IL7R: variants seen among roughly 807,000 people sequenced by gnomAD.
The protein encoded by IL7R is interleukin 7 receptor.
IL7R carries 38 observed loss-of-function variants against 47.0 expected under a neutral mutation model. The ratio of observed to expected loss-of-function variants is 0.81; its 90% CI spans 0.62 to 1.06. The LOEUF is 1.06. IL7R is among the 50% of genes least tolerant of loss of function. The pLI is 0.00. For missense variants in IL7R, 633 were observed against 534.8 expected (o/e 1.18, Z -1.81); for synonymous variants, 221 against 199.8 (o/e 1.11, Z -0.89).
chr5:35,875,663 A>G, intron 7 of IL7R, 76 bp downstream of exon 7: 1 of 1,122,676 alleles, frequency 8.9e-7, no homozygotes, highest in Non-Finnish European at 1.4e-6. Context: ...CAGGACAAGG[A>G]ACAGTTGAAC....
chr5:35,862,761 A>G (rs1362101319), intron 2 of IL7R, among the ~76,000 whole-genome samples: 2 of 152,114 alleles, frequency 1.3e-5, no homozygotes, highest in East Asian at 3.9e-4. Context: ...GAAACTTGCT[A>G]CAGGTTGGGG....
chr5:35,874,564 AG>A (rs780497377), intron 6 of IL7R, 22 bp downstream of exon 6: 1 of 1,504,650 alleles, frequency 6.6e-7, no homozygotes, highest in African/African-American at 1.4e-5. Context: ...CAACTAATAA[AG>A]AGGGTGATTG....
Position 35,876,302 on chromosome 5 carries a change from A to G in IL7R, c.1196A>G (p.His399Arg), listed in dbSNP as rs1440731354. Residue 399 changes from histidine to arginine, a missense_variant, in exon 8 of 8, where the codon CAT becomes CGT. Physicochemically the swap from His to Arg is conservative, Grantham distance 29. Coordinates refer to ENST00000303115, the MANE Select transcript of IL7R (RefSeq NM_002185.5). The stretch of plus-strand genomic sequence containing the variant: ...AGGGAGAGTGGCAAGAATGGGCCTC[A>G]TGTGTACCAGGACCTCCTGCTTAGC... ...DCRESGKNGP[H>R]VYQDLLLSLG... 1.9e-6 allele frequency: 3 copies of G among 1,613,782 alleles called. No individual in the cohort carries two copies. Among genetic ancestry groups the G allele is most frequent in the African/African-American group, 1.3e-5 (1 of 74,896 alleles).
intron 1 of IL7R, among the ~76,000 whole-genome samples, chr5:35,859,442 C>T (rs1328038811): frequency 6.6e-6 from 1 of 152,134 alleles, no homozygotes; most frequent in Non-Finnish European, 1.5e-5. Context: ...TGGGCTGTCT[C>T]TCATTATTTC....
chr5:35,874,636 G>T (rs951312647), intron 6 of IL7R, 94 bp downstream of exon 6: 1 of 958,034 alleles, frequency 1.0e-6, no homozygotes, highest in African/African-American at 1.6e-5. Context: ...CCACAAAGGG[G>T]ATTAAGGCAT....
chr5:35,871,676 C>G (rs1404491228), intron 4 of IL7R, among the ~76,000 whole-genome samples: 5 of 152,102 alleles, frequency 3.3e-5, no homozygotes, highest in African/African-American at 1.2e-4. Context: ...TATTTTAAAG[C>G]CCAAGGTCTT....
intron 7 of IL7R, 195 bp downstream of exon 7, chr5:35,875,782 G>A: frequency 1.3e-6 from 1 of 757,456 alleles, no homozygotes; most frequent in Non-Finnish European, 2.3e-6. Flanking sequence ...GGGCTCCCTG[G>A]GGCTGGAGGG....
chr5:35,863,581 G>A (rs770874945), intron 2 of IL7R, among the ~76,000 whole-genome samples: 32 of 152,170 alleles, frequency 2.1e-4, no homozygotes, highest in Non-Finnish European at 5.9e-5. Context: ...AAATTACATC[G>A]GTTAATGGAA....
Position 35,866,695 on chromosome 5 carries a change from A to C in IL7R, c.222-611A>C, listed in dbSNP as rs567663577. On this transcript the variant is annotated intron_variant, in intron 2 of 7. Coordinates refer to ENST00000303115, the MANE Select transcript of IL7R (RefSeq NM_002185.5). ...ATTATATACATTAAAATAGCATTTA[A>C]AATTTCCTTATTATACTTTTAACAT... is the stretch of plus-strand genomic sequence containing the variant. Among the ~76,000 whole-genome samples, 26 of 152,226 alleles carry C rather than the reference A, an allele frequency of 1.7e-4. No individual in the cohort carries two copies. In the South Asian group the frequency reaches 5.0e-3, roughly 29 times the overall value.
At chr5:35,875,692 A>T in intron 7 of IL7R, 105 bp downstream of exon 7, 2 of 929,456 alleles carry the variant, frequency 2.2e-6, no homozygotes, top group Admixed American at 1.8e-5. Context: ...TTGGTATTTG[A>T]TTCATCCTGT....
At chr5:35,871,484 T>C (rs1760074567) in intron 4 of IL7R, among the ~76,000 whole-genome samples, 1 of 152,188 alleles carries the variant, frequency 6.6e-6, no homozygotes, top group Admixed American at 6.5e-5. Context: ...TGAGGCCAAA[T>C]TAATCCTCTG....
chr5:35,862,770 G>A (rs1759850940), intron 2 of IL7R, among the ~76,000 whole-genome samples: 1 of 151,882 alleles, frequency 6.6e-6, no homozygotes, highest in Non-Finnish European at 1.5e-5. Context: ...TACAGGTTGG[G>A]GCCTGTAATT....
chr5:35,870,953 C>T, intron 3 of IL7R, 103 bp from the exon 4 acceptor site: 3 of 1,025,404 alleles, frequency 2.9e-6, no homozygotes, highest in Non-Finnish European at 4.6e-6. Context: ...CATTTACTGA[C>T]ACAAAAAGGG....
Position 35,879,053 on chromosome 5 carries a change from TG to T in IL7R, c.*2568del, listed in dbSNP as rs1760287747. ...GTAATGTAAGATTACTAATTGGTTC[TG>T]CCCAATCTCCTTTCAGATTTTATTA... On this transcript the variant is annotated 3_prime_UTR_variant, in exon 8 of 8. Transcript: ENST00000303115. 1 of 232,802 alleles carries T rather than the reference TG, an allele frequency of 4.3e-6. No homozygotes were observed. The highest frequency in any genetic ancestry group is 8.5e-6 in the Non-Finnish European group (1 of 117,854). 14.4% of individuals were successfully genotyped at this position (232,802 alleles called of 1,614,324 possible). A position where few individuals can be genotyped will look rare whatever the true frequency, so the allele number is the denominator to read the frequency against.
rs183660202 is a variant in IL7R, at chr5:35,878,978, A to T, written c.*2492A>T. 327 of 232,952 alleles carry T rather than the reference A, an allele frequency of 1.4e-3. 17 individuals are homozygous for T. In the Admixed American group the frequency reaches 0.018, roughly 13 times the overall value. 14.4% of individuals were successfully genotyped at this position (232,952 alleles called of 1,614,324 possible). ...TATTTAAAATGCATGTATTATAATC[A>T]TATAATCATAACTGCTGTTAATTCT... On this transcript the variant is annotated 3_prime_UTR_variant, in exon 8 of 8. Coordinates refer to ENST00000303115, the MANE Select transcript of IL7R (RefSeq NM_002185.5).
intron 5 of IL7R, 39 bp downstream of exon 5, chr5:35,873,687 C>T: frequency 6.3e-7 from 1 of 1,584,204 alleles, no homozygotes; most frequent in African/African-American, 1.3e-5. Flanking sequence ...CCTCAGAGTG[C>T]TTTGCATGTC....
chr5:35,859,656 G>A (rs925899207), intron 1 of IL7R, among the ~76,000 whole-genome samples: 17 of 152,082 alleles, frequency 1.1e-4, no homozygotes, highest in African/African-American at 3.6e-4. Flanking sequence ...TCAACTGGTT[G>A]GTCCATTCAC....
chr5:35,871,400 C>T (rs1393130432), intron 4 of IL7R, among the ~76,000 whole-genome samples, 187 bp downstream of exon 4: 2 of 152,172 alleles, frequency 1.3e-5, no homozygotes, highest in Non-Finnish European at 2.9e-5. Context: ...TCTTCTAGCT[C>T]TGGTTGTTTT....
At position 35,860,872 on chromosome 5, in the gene IL7R, C is replaced by A. The variant is rs752402991; in HGVS notation, c.103C>A (p.Leu35Met). 5.0e-6 allele frequency: 8 copies of A among 1,613,470 alleles called. No individual in the cohort carries two copies. The Admixed American group carries it at 1.3e-4, about 27-fold the overall frequency. Residue 35 changes from leucine (L) to methionine (M), a missense_variant, in exon 2 of 8, where the codon CTG becomes ATG. Transcript: ENST00000303115. ...AQNGDLEDAE[L>M]DDYSFSCYSQ... ...CCCAGGAGACTTGGAAGATGCAGAA[C>A]TGGATGACTACTCATTCTCATGCTA...
Sources: gnomAD v4.1 joint callset for allele counts (sites outside exome capture counted in the v4.1 genomes callset) on GRCh38, gnomAD v4.1.1 for gene constraint, MANE v1.5 for transcripts, NCBI Gene and HGNC (gene_info 2026-07-23, HGNC 2026-07-21) for gene names.